The following DCDC1 variants were observed in gnomAD, a reference collection of about 807,000 sequenced individuals.
DCDC1 encodes doublecortin domain-containing protein 1.
A neutral mutation model predicts 178.3 loss-of-function variants in DCDC1; 200 were observed. The observed-to-expected ratio is 1.12, with a 90% CI of 1.00 to 1.26. The LOEUF (loss-of-function observed/expected upper bound fraction) is 1.26, where lower values mean the gene tolerates loss of function less well. Among genes scored for constraint, DCDC1 ranks in the 50% most tolerant of loss-of-function variants. The pLI is 0.00. For synonymous variants in DCDC1, 690 were observed against 604.8 expected (o/e 1.14, Z -2.07); for missense variants, 1,983 against 1,749.2 (o/e 1.13, Z -2.38).
At chr11:31,321,763 A>G (rs1437399307) in intron 3 of DCDC1, among the ~76,000 whole-genome samples, 4 of 152,220 alleles carry the variant, frequency 2.6e-5, no homozygotes, top group Non-Finnish European at 5.9e-5. Flanking sequence ...TAAATATTTA[A>G]TAAATGTTGA....
In DCDC1 at chr11:30,952,504, G is replaced by A; in HGVS notation, c.2656C>T (p.Pro886Ser). ...ATGTAGGTAAGCTTGTTCCATAGAGGATTTTCAACTCTAGAATGTTTCCAC... is the reference window on the plus strand; with the variant it reads ...ATGTAGGTAAGCTTGTTCCATAGAGAATTTTCAACTCTAGAATGTTTCCAC... ...GQWKHSRVENPLWNKLTYMWP... is the reference protein window; with the variant it reads ...GQWKHSRVENSLWNKLTYMWP... The change falls in exon 21 of 39, where the codon CCT becomes TCT. Residue 886 changes from proline to serine, a missense_variant. Transcript: ENST00000684477. The A allele has an allele frequency of 6.3e-7, 1 of 1,588,468 alleles. No individual in the cohort carries two copies. Among genetic ancestry groups the A allele is most frequent in the South Asian group, 1.1e-5 (1 of 89,608 alleles).
chr11:31,272,848 T>G (rs991309846), intron 7 of DCDC1, among the ~76,000 whole-genome samples: 1 of 152,228 alleles, frequency 6.6e-6, no homozygotes, highest in Non-Finnish European at 1.5e-5. Flanking sequence ...ATCTACCATT[T>G]TGAGGTCTAG....
Position 30,915,666 on chromosome 11 carries a change from C to T in DCDC1, c.3498G>A (p.Gln1166=), listed in dbSNP as rs1331492845. 1 of 1,613,810 alleles carries T rather than the reference C, an allele frequency of 6.2e-7. No individual in the cohort carries two copies. Among genetic ancestry groups the T allele is most frequent in the African/African-American group, 1.3e-5 (1 of 74,914 alleles). ...HSKLHKHCHQ[Q]FEYRDGQIIS... Reference sequence around the variant, plus strand: ...TAATCTGCCCATCTCTGTATTCGAACTGCTGATGACAATGCTTGTGCAATT... The same window carrying T: ...TAATCTGCCCATCTCTGTATTCGAATTGCTGATGACAATGCTTGTGCAATT... Residue 1166 remains glutamine, a synonymous_variant, in exon 27 of 39, where the codon CAG becomes CAA. Coordinates refer to ENST00000684477, the MANE Select transcript of DCDC1 (RefSeq NM_001387274.1).
chr11:31,206,028 C>T (rs867071716), intron 9 of DCDC1, among the ~76,000 whole-genome samples: 2 of 152,242 alleles, frequency 1.3e-5, no homozygotes, highest in East Asian at 1.9e-4. Flanking sequence ...CTGTCCCCAA[C>T]GACCATGAAC....
At chr11:31,220,213 G>A (rs1300561601) in intron 9 of DCDC1, among the ~76,000 whole-genome samples, 1 of 152,124 alleles carries the variant, frequency 6.6e-6, no homozygotes, top group Admixed American at 6.6e-5. Flanking sequence ...GGATTATCAT[G>A]TACAATTCCT....
chr11:31,336,458 G>A (rs1013320754), intron 1 of DCDC1, among the ~76,000 whole-genome samples: 3 of 152,196 alleles, frequency 2.0e-5, no homozygotes, highest in Non-Finnish European at 4.4e-5. Context: ...CACAACACAG[G>A]ACCTTGCAGG....
intron 1 of DCDC1, among the ~76,000 whole-genome samples, chr11:31,338,436 A>T (rs1950378236): frequency 6.6e-6 from 1 of 152,224 alleles, no homozygotes; most frequent in Non-Finnish European, 1.5e-5. Context: ...ACAGGCATGT[A>T]TGATCAAGAA....
chr11:31,158,154 G>A (rs1292372133), intron 9 of DCDC1, among the ~76,000 whole-genome samples: 1 of 152,016 alleles, frequency 6.6e-6, no homozygotes, highest in Non-Finnish European at 1.5e-5. Context: ...TGTCACCCAG[G>A]CTGGAGTGCA....
At position 31,250,816 on chromosome 11, in the gene DCDC1, G is replaced by A. The variant is rs112207151; in HGVS notation, c.1055-9200C>T. 8.3e-3 allele frequency among the ~76,000 whole-genome samples: 1,253 copies of A among 151,216 alleles called. 23 individuals are homozygous for A. The highest frequency in any genetic ancestry group is 0.029 in the African/African-American group (1,195 of 41,120). On this transcript the variant is annotated intron_variant, in intron 8 of 38. Coordinates refer to ENST00000684477, the MANE Select transcript of DCDC1 (RefSeq NM_001387274.1). ...TGTTGCCAGGCTGGAGTGCAGTGGC[G>A]TGATCTCGGTTCACTGCAACCACCA...
chr11:30,961,952 A>C (rs539234469), intron 20 of DCDC1, among the ~76,000 whole-genome samples: 1 of 152,162 alleles, frequency 6.6e-6, no homozygotes, highest in Admixed American at 6.6e-5. Flanking sequence ...TAAACACTGC[A>C]TAAGGGTTAA....
Position 30,916,924 on chromosome 11 carries a change from G to T in DCDC1, c.3398C>A (p.Pro1133Gln). Reference protein sequence around the residue: ...SHDFDEDDSLPKKTEKGLFEN... With the variant: ...SHDFDEDDSLQKKTEKGLFEN... ...AAAGAGCCCTTTTTCCGTTTTCTTT[G>T]GAAGACTGTCATCCTCATCAAAGTC... is the stretch of plus-strand genomic sequence containing the variant. The change falls in exon 26 of 39, where the codon CCA becomes CAA. Residue 1133 changes from proline to glutamine, a missense_variant. Coordinates refer to ENST00000684477, the MANE Select transcript of DCDC1 (RefSeq NM_001387274.1). 6.2e-7 allele frequency: 1 copy of T among 1,609,078 alleles called. No homozygotes were observed. The highest frequency in any genetic ancestry group is 1.7e-5 in the Admixed American group (1 of 59,376).
intron 9 of DCDC1, among the ~76,000 whole-genome samples, chr11:31,218,865 T>C (rs1973900341): frequency 6.6e-6 from 1 of 152,196 alleles, no homozygotes; most frequent in African/African-American, 2.4e-5. Flanking sequence ...AAGGTCCTAA[T>C]TTTTAGTAAA....
At chr11:30,994,104 C>T (rs953536711) in intron 20 of DCDC1, among the ~76,000 whole-genome samples, 12 of 151,994 alleles carry the variant, frequency 7.9e-5, no homozygotes, top group Admixed American at 1.3e-4. Context: ...AAACATCATA[C>T]GACCAAGTGA....
intron 9 of DCDC1, among the ~76,000 whole-genome samples, chr11:31,201,162 A>C (rs1451968262): frequency 6.6e-6 from 1 of 152,038 alleles, no homozygotes; most frequent in Non-Finnish European, 1.5e-5. Context: ...CCAATGGATA[A>C]ATGAATGAAT....
chr11:31,356,189 T>C (rs956983503), intron 1 of DCDC1, among the ~76,000 whole-genome samples: 1 of 152,198 alleles, frequency 6.6e-6, no homozygotes, highest in Non-Finnish European at 1.5e-5. Flanking sequence ...GGAATTTTTA[T>C]GTTTACCAAG....
At chr11:31,110,146 C>A (rs1959110034) in intron 12 of DCDC1, 114 bp downstream of exon 12, 1 of 601,932 alleles carries the variant, frequency 1.7e-6, no homozygotes, top group East Asian at 2.8e-5. Context: ...TCAGTCTTTA[C>A]AGATCAACAA....
intron 7 of DCDC1, among the ~76,000 whole-genome samples, chr11:31,279,396 T>G (rs1022974406): frequency 6.6e-6 from 1 of 152,152 alleles, no homozygotes; most frequent in Non-Finnish European, 1.5e-5. Context: ...TAGTTTGACT[T>G]AGATTGTAAA....
At chr11:31,292,849 A>G (rs1048523822) in intron 6 of DCDC1, among the ~76,000 whole-genome samples, 4 of 17,704 alleles carry the variant, frequency 2.3e-4, no homozygotes, top group East Asian at 9.8e-4. Context: ...TTCTCTGGGA[A>G]AAAAAAAAAT....
At chr11:30,949,097 T>A (rs1400083738) in intron 21 of DCDC1, among the ~76,000 whole-genome samples, 1 of 152,148 alleles carries the variant, frequency 6.6e-6, no homozygotes, top group Non-Finnish European at 1.5e-5. Context: ...ATTTTTGCAA[T>A]CTATCCATCT....
Sources: allele counts gnomAD v4.1 joint callset (sites outside exome capture counted in the v4.1 genomes callset), GRCh38; gene constraint gnomAD v4.1.1; transcripts MANE v1.5; gene names NCBI Gene and HGNC (gene_info 2026-07-23, HGNC 2026-07-21).